The following DENR variants were observed in gnomAD, a reference collection of about 807,000 sequenced individuals.
DENR encodes the protein density regulated re-initiation and release factor.
A neutral mutation model predicts 30.6 loss-of-function variants in DENR; 6 were observed. That is an observed-to-expected ratio of 0.20 (90% CI 0.11 to 0.39). The LOEUF is 0.39. DENR is among the 10% of genes least tolerant of loss of function. The pLI is 1.00. For missense variants in DENR, 141 were observed against 230.9 expected (o/e 0.61, Z 2.52); for synonymous variants, 78 against 72.1 (o/e 1.08, Z -0.41).
At chr12:122,764,872 G>A (rs1213715244) in intron 4 of DENR, among the ~76,000 whole-genome samples, 5 of 152,164 alleles carry the variant, frequency 3.3e-5, no homozygotes, top group Non-Finnish European at 7.3e-5. Flanking sequence ...ACTGTCAGTG[G>A]TTGAATAAGA....
chr12:122,768,991 T>G (rs754193468), intron 7 of DENR, 43 bp from the exon 8 acceptor site: 1 of 1,608,574 alleles, frequency 6.2e-7, no homozygotes, highest in Non-Finnish European at 8.5e-7. Context: ...TTTTTCTTAA[T>G]TGCAACCACA....
chr12:122,758,518 C>T (rs999680007), intron 2 of DENR, among the ~76,000 whole-genome samples: 1 of 152,070 alleles, frequency 6.6e-6, no homozygotes, highest in Non-Finnish European at 1.5e-5. Context: ...TAACTTTGCT[C>T]ATTTGGCCAG....
In DENR at chr12:122,771,006, T is replaced by C. The variant is rs777179361; in HGVS notation, c.*1928T>C. ...AGCAAATGCAGTTACAATCCATAGA[T>C]AGCCAGCAGTGGATGTTACTCCAGG... On this transcript the variant is annotated 3_prime_UTR_variant, in exon 8 of 8. Coordinates refer to ENST00000280557, the MANE Select transcript of DENR (RefSeq NM_003677.5). 5.9e-6 allele frequency: 2 copies of C among 339,666 alleles called. No individual in the cohort carries two copies. Among genetic ancestry groups the C allele is most frequent in the African/African-American group, 2.1e-5 (1 of 47,444 alleles). 21.0% of individuals were successfully genotyped at this position (339,666 alleles called of 1,614,324 possible).
At chr12:122,760,836 G>A (rs1170387611) in intron 2 of DENR, among the ~76,000 whole-genome samples, 1 of 152,184 alleles carries the variant, frequency 6.6e-6, no homozygotes, top group Non-Finnish European at 1.5e-5. Flanking sequence ...GCCTGTACAG[G>A]CTCTAACACC....
chr12:122,767,662 C>T (rs1878883214), intron 6 of DENR, 58 bp downstream of exon 6: 1 of 970,714 alleles, frequency 1.0e-6, no homozygotes, highest in Non-Finnish European at 1.5e-6. Flanking sequence ...CTCTGTCTCC[C>T]TCTATCTCTC....
At chr12:122,768,589 C>G (rs1201692892) in intron 6 of DENR, among the ~76,000 whole-genome samples, 193 bp from the exon 7 acceptor site, 1 of 151,818 alleles carries the variant, frequency 6.6e-6, no homozygotes, top group Admixed American at 6.6e-5. Flanking sequence ...ATGTATTGAG[C>G]CTTTATTTGA....
At chr12:122,758,371 T>A (rs764904875) in intron 2 of DENR, among the ~76,000 whole-genome samples, 7 of 149,918 alleles carry the variant, frequency 4.7e-5, no homozygotes, top group Non-Finnish European at 8.9e-5. Flanking sequence ...GACCCGGCCA[T>A]TCTGATGTGT....
intron 5 of DENR, among the ~76,000 whole-genome samples, chr12:122,766,170 A>G (rs1261698038): frequency 6.6e-6 from 1 of 151,852 alleles, no homozygotes; most frequent in Non-Finnish European, 1.5e-5. Context: ...TCTGTGGTAC[A>G]CTGTTCACTC....
chr12:122,762,956 A>G lies in DENR; in HGVS notation c.211+27A>G, dbSNP rs530206505. ...TATGAACATTTTTTTTCTTGCATTA[A>G]ACTTCTGTACCTGAGACAAATGCAT... On this transcript the variant is annotated intron_variant, in intron 4 of 7. Transcript: ENST00000280557. The G allele has an allele frequency of 4.5e-6, 6 of 1,331,874 alleles. No individual in the cohort carries two copies. The Admixed American group carries it at 1.3e-4, about 29-fold the overall frequency. The allele number at this position is 1,331,874 out of a possible 1,614,324, so 82.5% of individuals were successfully genotyped here. A position where few individuals can be genotyped will look rare whatever the true frequency, so the allele number is the denominator to read the frequency against.
Position 122,767,134 on chromosome 12 carries a change from C to T in DENR, c.296-354C>T, listed in dbSNP as rs147095590. 4.0e-4 allele frequency among the ~76,000 whole-genome samples: 61 copies of T among 152,210 alleles called. 1 individual carries two copies. Among genetic ancestry groups the T allele is most frequent in the Admixed American group, 3.8e-3 (58 of 15,288 alleles). On this transcript the variant is annotated intron_variant, in intron 5 of 7. Transcript: ENST00000280557. ...CTTCCTCTAGGAAACTTTCTGTGTC[C>T]TCTGGAAGCAGACTAAGTTGTTTCT...
intron 1 of DENR, among the ~76,000 whole-genome samples, chr12:122,753,246 C>T (rs1191634749): frequency 6.6e-6 from 1 of 151,272 alleles, no homozygotes; most frequent in African/African-American, 2.4e-5. Flanking sequence ...CGTTTAGTTG[C>T]CCCCACACCC....
In DENR at chr12:122,769,247, TATATATATATAC is replaced by T. The variant is rs1878944641; in HGVS notation, c.*173_*184del. 1.4e-6 allele frequency: 1 copy of T among 697,148 alleles called. No homozygotes were observed. The highest frequency in any genetic ancestry group is 1.2e-4 in the East Asian group (1 of 8,052). 43.2% of individuals were successfully genotyped at this position (697,148 alleles called of 1,614,324 possible). A position where few individuals can be genotyped will look rare whatever the true frequency, so the allele number is the denominator to read the frequency against. On this transcript the variant is annotated 3_prime_UTR_variant, in exon 8 of 8. Transcript: ENST00000280557. ...ATATACATGTGTGTATGTATACATG[TATATATATATAC>T]ATACACATATATGTATACATATATA...
At chr12:122,757,740 C>T (rs527381228) in intron 2 of DENR, among the ~76,000 whole-genome samples, 8 of 152,066 alleles carry the variant, frequency 5.3e-5, no homozygotes, top group East Asian at 1.9e-4. Flanking sequence ...TGGAGAAGTA[C>T]GATAAGATGT....
intron 5 of DENR, 132 bp downstream of exon 5, chr12:122,765,519 A>T: frequency 1.4e-6 from 1 of 729,294 alleles, no homozygotes; most frequent in Non-Finnish European, 2.3e-6. Flanking sequence ...TAGGGGGCTG[A>T]GGCAGGAGGA....
intron 3 of DENR, 44 bp from the exon 4 acceptor site, chr12:122,762,801 C>A: frequency 7.8e-7 from 1 of 1,287,102 alleles, no homozygotes; most frequent in Non-Finnish European, 1.1e-6. Flanking sequence ...TATTGTTTGA[C>A]TGAAAATGTT....
At chr12:122,754,613 A>G (rs1055397465) in intron 2 of DENR, among the ~76,000 whole-genome samples, 4 of 152,180 alleles carry the variant, frequency 2.6e-5, no homozygotes, top group Non-Finnish European at 5.9e-5. Context: ...TGGACCTTAC[A>G]TTCTGTGACT....
At chr12:122,753,864 T>C in intron 2 of DENR, 57 bp downstream of exon 2, 1 of 1,352,280 alleles carries the variant, frequency 7.4e-7, no homozygotes, top group Non-Finnish European at 1.1e-6. Context: ...TGCATTGTAA[T>C]AACAGTTTGA....
At chr12:122,762,613 T>A (rs1293142263) in intron 3 of DENR, among the ~76,000 whole-genome samples, 1 of 152,142 alleles carries the variant, frequency 6.6e-6, no homozygotes, top group South Asian at 2.1e-4. Context: ...AAGCAAGAAA[T>A]AGAGGGAGAA....
rs1049079767 is a variant in DENR, at chr12:122,770,519, G to C, written c.*1441G>C. 2.0e-4 allele frequency: 79 copies of C among 397,534 alleles called. No individual in the cohort carries two copies. Among genetic ancestry groups the C allele is most frequent in the Non-Finnish European group, 6.6e-5 (15 of 225,770 alleles). 24.6% of individuals were successfully genotyped at this position (397,534 alleles called of 1,614,324 possible). On this transcript the variant is annotated 3_prime_UTR_variant, in exon 8 of 8. Transcript: ENST00000280557. ...GTAAAATTGTGCTAACCAGTTAAAAGTACTGTACACCCATGCTCAATATAT... is the reference window on the plus strand; with the variant it reads ...GTAAAATTGTGCTAACCAGTTAAAACTACTGTACACCCATGCTCAATATAT...
Sources: allele counts gnomAD v4.1 joint callset (sites outside exome capture counted in the v4.1 genomes callset), GRCh38; gene constraint gnomAD v4.1.1; transcripts MANE v1.5; gene names NCBI Gene and HGNC (gene_info 2026-07-23, HGNC 2026-07-21).